The following DNAAF5 variants were observed in gnomAD, a reference collection of about 807,000 sequenced individuals.
The protein encoded by DNAAF5 is dynein axonemal assembly factor 5.
Under a neutral mutation model 75.8 loss-of-function variants are expected in DNAAF5, and 64 were observed. The observed-to-expected ratio is 0.84, with a 90% confidence interval of 0.69 to 1.04. The LOEUF (loss-of-function observed/expected upper bound fraction) is 1.04, where lower values mean the gene tolerates loss of function less well. DNAAF5 is among the 50% of genes least tolerant of loss of function. DNAAF5 has a pLI of 0.00. For missense variants in DNAAF5, 1,269 were observed against 1,178.5 expected, an observed-to-expected ratio of 1.08 and a Z score of -1.12; for synonymous variants, 657 against 557.2, an observed-to-expected ratio of 1.18 and a Z score of -2.52.
intron 6 of DNAAF5, 124 bp downstream of exon 6, chr7:757,118 G>A: frequency 2.1e-6 from 2 of 935,112 alleles, no homozygotes; most frequent in Non-Finnish European, 3.2e-6. Flanking sequence ...GAAGCACCCA[G>A]CGACGTGTCT....
chr7:764,258 T>C (rs924184832), intron 8 of DNAAF5, among the ~76,000 whole-genome samples: 1 of 152,234 alleles, frequency 6.6e-6, no homozygotes, highest in Non-Finnish European at 1.5e-5. Flanking sequence ...TAGCCTGGCT[T>C]CTTAAATACG....
intron 2 of DNAAF5, among the ~76,000 whole-genome samples, chr7:738,555 C>T (rs540355001): frequency 2.0e-5 from 3 of 148,458 alleles, no homozygotes; most frequent in African/African-American, 7.5e-5. Flanking sequence ...CTTGGGAAGG[C>T]TTCTAATCCA....
At chr7:763,783 A>G in intron 7 of DNAAF5, 23 bp from the exon 8 acceptor site, 1 of 1,611,588 alleles carries the variant, frequency 6.2e-7, no homozygotes, top group Non-Finnish European at 8.5e-7. Context: ...GAATTGTCTC[A>G]GTCTCTGACT....
rs1782498240 is a variant in DNAAF5, at chr7:756,785, A to G, written c.1261A>G (p.Thr421Ala). The change falls in exon 6 of 13, where the codon ACC becomes GCC. Residue 421 changes from threonine (T) to alanine (A), a missense_variant. Coordinates refer to ENST00000297440, the MANE Select transcript of DNAAF5 (RefSeq NM_017802.4). ...TTCTCATGTTTCTTTCTCGCAGTGT[A>G]CCAGATCCGCAGAGCTCGTCGGGAC... ...DEEAAVVQSC[T>A]RSAELVGTFV... 1 of 1,613,362 alleles carries G rather than the reference A, an allele frequency of 6.2e-7. No homozygotes were observed.
intron 9 of DNAAF5, among the ~76,000 whole-genome samples, chr7:773,767 G>A (rs1434068136): frequency 6.6e-6 from 1 of 152,124 alleles, no homozygotes; most frequent in East Asian, 1.9e-4. Context: ...GTGCACCCTC[G>A]GCCCAGGGCC....
chr7:745,757 C>T (rs567576320), intron 4 of DNAAF5, among the ~76,000 whole-genome samples: 5 of 152,352 alleles, frequency 3.3e-5, no homozygotes, highest in Admixed American at 2.6e-4. Context: ...CATGTACATA[C>T]ACATCCTGCC....
rs73032446 is a variant in DNAAF5 at position 754,991 on chromosome 7, C to T, written c.1257+170C>T. 0.033 allele frequency among the ~76,000 whole-genome samples: 5,100 copies of T among 152,326 alleles called. 166 individuals carry two copies. Among genetic ancestry groups the T allele is most frequent in the Non-Finnish European group, 0.047 (3,208 of 68,020 alleles). ...CCCCTGGGAACAACTGATCTCCTTT[C>T]TGTGCCCGTAGGTAACAGCGTGTTG... On this transcript the variant is annotated intron_variant, in intron 5 of 12. Transcript: ENST00000297440. The surrounding 1 kb of genome is among the most constrained non-coding windows in gnomAD (Gnocchi z 4.8).
chr7:784,204 C>T (rs1163800389), intron 12 of DNAAF5, among the ~76,000 whole-genome samples: 3 of 152,212 alleles, frequency 2.0e-5, no homozygotes, highest in African/African-American at 4.8e-5. Context: ...CTGCGGGACG[C>T]CCGTGCTCAG....
rs1380705915 is a variant in DNAAF5 at position 741,459 on chromosome 7, C to T, written c.1018C>T (p.Pro340Ser). The change falls in exon 4 of 13, where the codon CCA becomes TCA. Residue 340 changes from proline to serine, a missense_variant. Pro to Ser is a moderately conservative substitution (Grantham distance 74). Coordinates refer to ENST00000297440, the MANE Select transcript of DNAAF5 (RefSeq NM_017802.4). ...FAPPTPPHYP[P>S]HERRPVLGCR... is the part of the protein sequence containing the mutation. Reference sequence around the variant, plus strand: ...CCCTCCCACCCCACCCCATTACCCTCCACATGGTGAGTGACCGCGGCAGAG... The same window carrying T: ...CCCTCCCACCCCACCCCATTACCCTTCACATGGTGAGTGACCGCGGCAGAG... 1.0e-5 allele frequency: 16 copies of T among 1,530,288 alleles called. No individual in the cohort carries two copies. Among genetic ancestry groups the T allele is most frequent in the African/African-American group, 1.4e-5 (1 of 73,772 alleles). The allele number at this position is 1,530,288 out of a possible 1,614,324, so 94.8% of individuals were successfully genotyped here.
chr7:762,212 G>A (rs960900863), intron 7 of DNAAF5, among the ~76,000 whole-genome samples: 7 of 152,314 alleles, frequency 4.6e-5, no homozygotes, highest in Admixed American at 3.3e-4. Flanking sequence ...GTCGCTGGGC[G>A]TGGCATCTCA....
At chr7:728,730 A>T (rs1781453585) in intron 1 of DNAAF5, among the ~76,000 whole-genome samples, 1 of 152,202 alleles carries the variant, frequency 6.6e-6, no homozygotes, top group Non-Finnish European at 1.5e-5. Context: ...CCCCAAGCGC[A>T]GCCTGCTGGG....
intron 8 of DNAAF5, among the ~76,000 whole-genome samples, chr7:767,576 AAAC>A (rs1486059096): frequency 1.3e-5 from 2 of 152,020 alleles, no homozygotes; most frequent in East Asian, 3.9e-4. Context: ...CAACCATTAA[AAAC>A]AATTATCCTA....
chr7:738,864 C>T (rs956746793), intron 2 of DNAAF5, among the ~76,000 whole-genome samples: 15 of 152,228 alleles, frequency 9.9e-5, no homozygotes, highest in East Asian at 5.8e-4. Flanking sequence ...GACAGGTGGC[C>T]GTCCTGGGTG....
At position 754,728 on chromosome 7, in the gene DNAAF5, G is replaced by A; in HGVS notation, c.1164G>A (p.Leu388=). Residue 388 remains leucine (L), a synonymous_variant, in exon 5 of 13, where the codon CTG becomes CTA. Coordinates refer to ENST00000297440, the MANE Select transcript of DNAAF5 (RefSeq NM_017802.4). The surrounding 1 kb of genome is among the most constrained non-coding windows in gnomAD (Gnocchi z 4.8). ...CACAGCTGCTCCCAGTGCTGCTGCT[G>A]CATGCCGAGGACCACGCCACGCAGC... ...KSAQLLPVLL[L]HAEDHATQHL... is the part of the protein sequence containing the mutation. 1 of 1,613,814 alleles carries A rather than the reference G, an allele frequency of 6.2e-7. No individual in the cohort carries two copies. The highest frequency in any genetic ancestry group is 8.5e-7 in the Non-Finnish European group (1 of 1,180,016).
In DNAAF5 at chr7:769,879, G is replaced by A. The variant is rs186323180; in HGVS notation, c.1784-592G>A. 1.1e-4 allele frequency among the ~76,000 whole-genome samples: 16 copies of A among 152,322 alleles called. No individual in the cohort carries two copies. The East Asian group carries it at 3.1e-3, about 29-fold the overall frequency. On this transcript the variant is annotated intron_variant, in intron 8 of 12. Transcript: ENST00000297440. ...TGGTCTCGAACTCCCGACCTCAGGT[G>A]ACCTCAGGTCACCCATCTTGGCTTT...
In DNAAF5 at chr7:740,877, A is replaced by C. The variant is rs1319964858; in HGVS notation, c.839A>C (p.Tyr280Ser). The C allele has an allele frequency of 6.2e-7, 1 of 1,612,930 alleles. No individual in the cohort carries two copies. The highest frequency in any genetic ancestry group is 8.5e-7 in the Non-Finnish European group (1 of 1,179,742). Reference protein sequence around the residue: ...GGWLLCLRDRYSFFHKLIPLL... With the variant: ...GGWLLCLRDRSSFFHKLIPLL... ...TGGCTGCTGTGTCTGCGTGACCGTT[A>C]CTCCTTCTTCCACAAGCTCATCCCT... The change falls in exon 3 of 13, where the codon TAC (tyrosine) becomes TCC (serine). Residue 280 changes from tyrosine (Y) to serine (S), a missense_variant. Transcript: ENST00000297440.
chr7:774,231 G>C, intron 10 of DNAAF5, 33 bp downstream of exon 10: 1 of 1,570,022 alleles, frequency 6.4e-7, no homozygotes, highest in Non-Finnish European at 8.6e-7. Context: ...GGTGGACACC[G>C]GCCGGGGACT....
At chr7:766,841 A>T (rs1223940209) in intron 8 of DNAAF5, among the ~76,000 whole-genome samples, 3 of 151,200 alleles carry the variant, frequency 2.0e-5, no homozygotes, top group Non-Finnish European at 2.9e-5. Context: ...TCCCAAACAA[A>T]CAGGCAAAAT....
rs569232574 is a variant in DNAAF5, at chr7:754,314, G to A, written c.1025-275G>A. 1.8e-4 allele frequency among the ~76,000 whole-genome samples: 27 copies of A among 152,274 alleles called. No homozygotes were observed. Among genetic ancestry groups the A allele is most frequent in the African/African-American group, 6.5e-4 (27 of 41,552 alleles). On this transcript the variant is annotated intron_variant, in intron 4 of 12. Transcript: ENST00000297440. This position sits in a 1 kb window ranked among gnomAD's most constrained non-coding sequence, Gnocchi z 4.8. The stretch of plus-strand genomic sequence containing the variant: ...TAATCTTCCTGTTTTTTATAGAGAT[G>A]GGGTCTTTGCCATGTTGCCCAGGCT...
Sources: allele counts gnomAD v4.1 joint callset (sites outside exome capture counted in the v4.1 genomes callset), GRCh38; gene constraint gnomAD v4.1.1; non-coding constraint Gnocchi (gnomAD v3.1); transcripts MANE v1.5; gene names NCBI Gene and HGNC (gene_info 2026-07-23, HGNC 2026-07-21).